Variants in SPIDR observed in about 807,000 individuals in gnomAD.
SPIDR encodes DNA repair-scaffolding protein.
Under a neutral mutation model 104.6 loss-of-function variants are expected in SPIDR, and 93 were observed. The observed-to-expected ratio is 0.89, with a 90% CI of 0.75 to 1.06. SPIDR has a LOEUF of 1.06. Among genes scored for constraint, SPIDR ranks in the 50% least tolerant of loss-of-function variants. SPIDR has a pLI of 0.00. For synonymous variants in SPIDR, 431 were observed against 416.9 expected (o/e 1.03, Z -0.41); for missense variants, 1,154 against 1,111.2 (o/e 1.04, Z -0.55).
rs138228476 is a variant in SPIDR, at chr8:47,582,893, G to GAC, written c.1098-12903_1098-12902dup. ...ACATATTTTTAAAAGCTTTCCACCA[G>GAC]ACACACACACACACACGTATATTTT... is the stretch of plus-strand genomic sequence containing the variant. On this transcript the variant is annotated intron_variant, in intron 8 of 19. Coordinates refer to ENST00000297423, the MANE Select transcript of SPIDR (RefSeq NM_001080394.4). 7.3e-3 allele frequency among the ~76,000 whole-genome samples: 1,035 copies of GAC among 141,980 alleles called. 10 individuals carry two copies. Among genetic ancestry groups the GAC allele is most frequent in the African/African-American group, 0.024 (925 of 38,814 alleles). The allele number at this position is 141,980 out of a possible 152,430, so 93.1% of individuals were successfully genotyped here.
chr8:47,679,059 G>A (rs1345334366), intron 11 of SPIDR, among the ~76,000 whole-genome samples: 5 of 152,042 alleles, frequency 3.3e-5, no homozygotes, highest in Non-Finnish European at 7.4e-5. Flanking sequence ...CCTCATTAAG[G>A]GCCCAGCACT....
chr8:47,566,573 C>G (rs2057880641), intron 8 of SPIDR, among the ~76,000 whole-genome samples: 1 of 151,942 alleles, frequency 6.6e-6, no homozygotes, highest in South Asian at 2.1e-4. Flanking sequence ...ATAACTCTAT[C>G]TGGAAGCACT....
intron 5 of SPIDR, among the ~76,000 whole-genome samples, chr8:47,306,902 A>G (rs2043180040): frequency 6.6e-6 from 1 of 151,984 alleles, no homozygotes; most frequent in African/African-American, 2.4e-5. Flanking sequence ...TAGTATAGCC[A>G]CCTCTACTCT....
chr8:47,405,700 C>G, intron 6 of SPIDR, among the ~76,000 whole-genome samples: 1 of 152,070 alleles, frequency 6.6e-6, no homozygotes, highest in East Asian at 1.9e-4. Flanking sequence ...CGGAGTTTGG[C>G]CTTTATAAAT....
At chr8:47,640,780 C>A (rs556130905) in intron 10 of SPIDR, among the ~76,000 whole-genome samples, 1 of 139,352 alleles carries the variant, frequency 7.2e-6, no homozygotes, top group South Asian at 2.3e-4. Flanking sequence ...TGGGTTCAAG[C>A]AGTTCTCCTG....
chr8:47,350,051 C>T (rs962072749), intron 5 of SPIDR, among the ~76,000 whole-genome samples: 3 of 152,216 alleles, frequency 2.0e-5, no homozygotes, highest in South Asian at 2.1e-4. Context: ...TCTTCTGCGT[C>T]GCTCATGCTG....
intron 7 of SPIDR, among the ~76,000 whole-genome samples, chr8:47,435,217 C>G (rs1323601416): frequency 6.6e-6 from 1 of 152,000 alleles, no homozygotes. Flanking sequence ...TCAGGCTGGT[C>G]TTGAACTCCT....
chr8:47,482,449 A>T (rs904504385), intron 8 of SPIDR, among the ~76,000 whole-genome samples: 8 of 152,060 alleles, frequency 5.3e-5, no homozygotes, highest in Non-Finnish European at 1.0e-4. Flanking sequence ...AAAAAGTCTC[A>T]TGACTTCGTC....
intron 19 of SPIDR, 95 bp from the exon 20 acceptor site, chr8:47,735,212 A>G: frequency 1.7e-6 from 2 of 1,204,270 alleles, no homozygotes; most frequent in South Asian, 1.3e-5. Context: ...GACTGGGGAA[A>G]GGGCCTTCCA....
At chr8:47,572,104 T>C (rs1277746211) in intron 8 of SPIDR, among the ~76,000 whole-genome samples, 1 of 152,124 alleles carries the variant, frequency 6.6e-6, no homozygotes, top group Non-Finnish European at 1.5e-5. Flanking sequence ...TTAACTGAAA[T>C]AGTGTAATAT....
chr8:47,568,678 G>A (rs149863336), intron 8 of SPIDR, among the ~76,000 whole-genome samples: 134 of 152,252 alleles, frequency 8.8e-4, no homozygotes, highest in East Asian at 3.7e-3. Flanking sequence ...GGATTTTCAC[G>A]TATCAGAAGA....
At chr8:47,264,195 G>C (rs1453807498) in intron 1 of SPIDR, among the ~76,000 whole-genome samples, 1 of 152,104 alleles carries the variant, frequency 6.6e-6, no homozygotes, top group Non-Finnish European at 1.5e-5. Flanking sequence ...GGACTAAGGT[G>C]GTGGAATTAG....
At chr8:47,315,299 TA>T (rs1219798597) in intron 5 of SPIDR, among the ~76,000 whole-genome samples, 1 of 152,088 alleles carries the variant, frequency 6.6e-6, no homozygotes, top group African/African-American at 2.4e-5. Context: ...CATACCGAGA[TA>T]AATAATATAT....
At chr8:47,730,526 C>T (rs1333326493) in intron 19 of SPIDR, among the ~76,000 whole-genome samples, 1 of 152,214 alleles carries the variant, frequency 6.6e-6, no homozygotes, top group Non-Finnish European at 1.5e-5. Flanking sequence ...ATGCCTGGAG[C>T]TCTGTGGTCA....
In SPIDR at chr8:47,291,147, A is replaced by C. The variant is rs587717594; in HGVS notation, c.361+10A>C. On this transcript the variant is annotated intron_variant, in intron 4 of 19. Transcript: ENST00000297423. ...TCTCAGTTACAGAGAGGTAATGGAC[A>C]TTGCTCTAGAATAGACAGATTTTGT... 6.3e-7 allele frequency: 1 copy of C among 1,578,926 alleles called. No homozygotes were observed. Among genetic ancestry groups the C allele is most frequent in the Non-Finnish European group, 8.7e-7 (1 of 1,151,674 alleles).
chr8:47,553,904 G>A (rs1429982233), intron 8 of SPIDR, among the ~76,000 whole-genome samples: 1 of 152,188 alleles, frequency 6.6e-6, no homozygotes, highest in African/African-American at 2.4e-5. Context: ...GGTCTTTGAT[G>A]ATGGTGATGT....
At chr8:47,661,411 G>A (rs729228) in intron 10 of SPIDR, among the ~76,000 whole-genome samples, 9,601 of 152,342 alleles carry the variant, frequency 0.063, 503 homozygotes, top group Admixed American at 0.19. Context: ...GCTCAAGATC[G>A]CTAGCAGCGG....
intron 11 of SPIDR, among the ~76,000 whole-genome samples, chr8:47,687,594 A>T (rs1179160054): frequency 6.6e-6 from 1 of 152,256 alleles, no homozygotes; most frequent in Non-Finnish European, 1.5e-5. Context: ...GTAGATTGTA[A>T]CAAATAATAA....
chr8:47,640,700 C>T (rs535308892), intron 10 of SPIDR, among the ~76,000 whole-genome samples: 33 of 151,428 alleles, frequency 2.2e-4, no homozygotes, highest in Admixed American at 5.3e-4. Context: ...GTTTTTGAGA[C>T]GGAGCCTCGC....
Sources: allele counts gnomAD v4.1 joint callset (sites outside exome capture counted in the v4.1 genomes callset), GRCh38; gene constraint gnomAD v4.1.1; transcripts MANE v1.5; gene names NCBI Gene and HGNC (gene_info 2026-07-23, HGNC 2026-07-21).